Variants in PCDHA10 observed in about 807,000 individuals in gnomAD.
PCDHA10 encodes protocadherin alpha-10.
PCDHA10 carries 45 observed loss-of-function variants against 61.2 expected under a neutral mutation model. That is an observed-to-expected ratio of 0.74 (90% CI 0.58 to 0.94). The LOEUF (loss-of-function observed/expected upper bound fraction) is 0.94, where lower values mean the gene tolerates loss of function less well. Among genes scored for constraint, PCDHA10 ranks in the 40% least tolerant of loss-of-function variants. PCDHA10 has a pLI of 0.00. For missense variants in PCDHA10, 1,278 were observed against 1,236.2 expected (o/e 1.03, Z -0.51); for synonymous variants, 602 against 548.8 (o/e 1.10, Z -1.35).
rs143182337 is a variant in PCDHA10 at position 140,938,958 on chromosome 5, G to A, written c.2389-39991G>A. On this transcript the variant is annotated intron_variant, in intron 1 of 3. Coordinates refer to ENST00000307360, the MANE Select transcript of PCDHA10 (RefSeq NM_018901.4). ...TTTCCATTCTTATAATGCTCTAGTC[G>A]GAGTTTGGCATCAAGGCTATCCTGG... 3.2e-3 allele frequency among the ~76,000 whole-genome samples: 486 copies of A among 152,204 alleles called. 2 individuals carry two copies. Among genetic ancestry groups the A allele is most frequent in the Middle Eastern group, 0.014 (4 of 294 alleles).
chr5:140,980,762 T>C (rs1293384140), intron 2 of PCDHA10, among the ~76,000 whole-genome samples: 2 of 152,090 alleles, frequency 1.3e-5, no homozygotes, highest in Non-Finnish European at 2.9e-5. Context: ...AGAAATAAAA[T>C]AAAAATTGAA....
intron 1 of PCDHA10, among the ~76,000 whole-genome samples, chr5:140,961,915 G>A (rs1393178053): frequency 2.0e-5 from 3 of 147,010 alleles, no homozygotes; most frequent in East Asian, 4.0e-4. Context: ...ATGGAGTCTC[G>A]CTCTGTTGCC....
chr5:140,875,485 G>C (rs367652529), intron 1 of PCDHA10: 10 of 1,611,542 alleles, frequency 6.2e-6, no homozygotes, highest in Non-Finnish European at 7.6e-6. Context: ...GGTGATTATC[G>C]GACCAAGAGG....
intron 1 of PCDHA10, chr5:140,884,197 G>A (rs146010500): frequency 3.1e-6 from 5 of 1,613,234 alleles, no homozygotes; most frequent in Non-Finnish European, 4.2e-6. Context: ...TGGACGCGCC[G>A]CACCACCGCC....
In PCDHA10 at chr5:140,998,789, C is replaced by T. The variant is rs920510450; in HGVS notation, c.2537-10838C>T. On this transcript the variant is annotated intron_variant, in intron 3 of 3. Transcript: ENST00000307360. ...ATGTTGGTCAGGCTGGTCTGGAACC[C>T]CTGACCTCAGGTGATCTGCCTGCCT... 4.6e-5 allele frequency among the ~76,000 whole-genome samples: 7 copies of T among 152,118 alleles called. 1 individual carries two copies. Among genetic ancestry groups the T allele is most frequent in the Admixed American group, 2.6e-4 (4 of 15,262 alleles).
At position 140,877,908 on chromosome 5, in the gene PCDHA10, T is replaced by C; in HGVS notation, c.2388+19472T>C. On this transcript the variant is annotated intron_variant, in intron 1 of 3. Coordinates refer to ENST00000307360, the MANE Select transcript of PCDHA10 (RefSeq NM_018901.4). The stretch of plus-strand genomic sequence containing the variant: ...ACTTCCGTTTAGGTTATAACTACAT[T>C]CTCTCATTTTTCTTTATGATTCTAT... 3 of 1,433,546 alleles carry C rather than the reference T, an allele frequency of 2.1e-6. No homozygotes were observed. The South Asian group carries it at 4.7e-5, about 22-fold the overall frequency. 88.8% of individuals were successfully genotyped at this position (1,433,546 alleles called of 1,614,324 possible).
At chr5:140,938,415 T>A (rs1034279514) in intron 1 of PCDHA10, among the ~76,000 whole-genome samples, 6 of 152,190 alleles carry the variant, frequency 3.9e-5, no homozygotes, top group African/African-American at 1.4e-4. Context: ...TTGGGTTTAT[T>A]TGCAAAAATC....
rs1314612729 is a variant in PCDHA10 at position 140,858,397 on chromosome 5, CG to C, written c.2353del (p.Glu785LysfsTer26). The C allele has an allele frequency of 2.5e-6, 4 of 1,573,068 alleles. No homozygotes were observed. The highest frequency in any genetic ancestry group is 2.7e-5 in the African/African-American group (2 of 73,930). ...CACCATGCCCAATGGTAGATGTGGACGGGGAAGATCAGTCTATTGGAGGGGA... is the reference window on the plus strand; with the variant it reads ...CACCATGCCCAATGGTAGATGTGGACGGGAAGATCAGTCTATTGGAGGGGA... ...LPPCPMVDVD[G>X]EDQSIGGDHS... On this transcript the variant is annotated frameshift_variant, in exon 1 of 4. Coordinates refer to ENST00000307360, the MANE Select transcript of PCDHA10 (RefSeq NM_018901.4). LOFTEE classifies it high-confidence loss of function.
intron 1 of PCDHA10, among the ~76,000 whole-genome samples, chr5:140,952,280 G>A (rs1320502466): frequency 2.0e-5 from 3 of 151,652 alleles, no homozygotes; most frequent in Non-Finnish European, 4.4e-5. Context: ...TGAGGGTGGT[G>A]GCCCTCTTCT....
intron 1 of PCDHA10, chr5:140,862,144 C>G (rs2047225935): frequency 1.2e-5 from 2 of 162,888 alleles, no homozygotes; most frequent in South Asian, 1.7e-4. Context: ...TTTGAGGAAA[C>G]TAAATAATGA....
chr5:140,865,377 T>C (rs2048847316), intron 1 of PCDHA10: 1 of 152,154 alleles, frequency 6.6e-6, no homozygotes, highest in South Asian at 2.1e-4. Flanking sequence ...ATGTTATAGG[T>C]AGGGTAAAGT....
chr5:140,991,838 G>T (rs1056330823), intron 3 of PCDHA10, among the ~76,000 whole-genome samples: 1 of 152,110 alleles, frequency 6.6e-6, no homozygotes, highest in Non-Finnish European at 1.5e-5. Context: ...CGGCAGAACC[G>T]CACTTCCAGA....
intron 1 of PCDHA10, among the ~76,000 whole-genome samples, chr5:140,953,756 G>C (rs2094932328): frequency 6.6e-6 from 1 of 152,208 alleles, no homozygotes; most frequent in South Asian, 2.1e-4. Context: ...ATTTATCCAA[G>C]AATTAAATTT....
chr5:140,891,430 A>G (rs1422502424), intron 1 of PCDHA10, among the ~76,000 whole-genome samples: 1 of 141,772 alleles, frequency 7.1e-6, no homozygotes, highest in Non-Finnish European at 1.5e-5. Flanking sequence ...CCAAGTCCCC[A>G]ACGTCCATTG....
At chr5:140,941,299 TC>T (rs1554214293) in intron 1 of PCDHA10, among the ~76,000 whole-genome samples, 2 of 144,342 alleles carry the variant, frequency 1.4e-5, no homozygotes, top group African/African-American at 2.5e-5. Context: ...TTTCTTTCTT[TC>T]TTTCTTTTTC....
intron 1 of PCDHA10, chr5:140,928,178 G>A: frequency 6.2e-7 from 1 of 1,614,192 alleles, no homozygotes. Context: ...AGCACCCGAA[G>A]GACAATCACT....
intron 3 of PCDHA10, among the ~76,000 whole-genome samples, chr5:140,990,194 G>A (rs2097380047): frequency 6.6e-6 from 1 of 152,076 alleles, no homozygotes; most frequent in Non-Finnish European, 1.5e-5. Context: ...ACCAAATGTG[G>A]ACCCGAAAGA....
chr5:140,900,912 A>AGAT (rs553485999), intron 1 of PCDHA10, among the ~76,000 whole-genome samples: 1 of 152,198 alleles, frequency 6.6e-6, no homozygotes, highest in Non-Finnish European at 1.5e-5. Context: ...AACTGTGGTA[A>AGAT]GATGATATCT....
At chr5:140,870,346 G>A in intron 1 of PCDHA10, 5 of 1,614,236 alleles carry the variant, frequency 3.1e-6, no homozygotes, top group Non-Finnish European at 4.2e-6. Context: ...CCTGGACCGC[G>A]AGAACGTGTG....
Sources: gnomAD v4.1 joint callset for allele counts (sites outside exome capture counted in the v4.1 genomes callset) on GRCh38, gnomAD v4.1.1 for gene constraint, MANE v1.5 for transcripts, NCBI Gene and HGNC (gene_info 2026-07-23, HGNC 2026-07-21) for gene names.